Variants in NEK7 observed in about 807,000 individuals in gnomAD.
NEK7 encodes serine/threonine-protein kinase Nek7.
A neutral mutation model predicts 44.6 loss-of-function variants in NEK7; 18 were observed. The observed-to-expected ratio is 0.40, with a 90% CI of 0.28 to 0.60. NEK7 has a LOEUF of 0.60. NEK7 is among the 20% of genes least tolerant of loss of function. The probability of loss-of-function intolerance (pLI) is 0.38; values close to 1 mark genes in which losing one functional copy is unlikely to be tolerated. For missense variants in NEK7, 256 were observed against 366.5 expected, an observed-to-expected ratio of 0.70 and a Z score of 2.46; for synonymous variants, 130 against 121.1, an observed-to-expected ratio of 1.07 and a Z score of -0.48.
intron 9 of NEK7, among the ~76,000 whole-genome samples, chr1:198,310,226 G>A (rs980033412): frequency 6.6e-6 from 1 of 152,046 alleles, no homozygotes; most frequent in Non-Finnish European, 1.5e-5. Context: ...GTGTTTTTTG[G>A]CTGCATAAAT....
At chr1:198,230,287 C>T (rs1378812283) in intron 1 of NEK7, among the ~76,000 whole-genome samples, 4 of 152,116 alleles carry the variant, frequency 2.6e-5, no homozygotes, top group South Asian at 4.1e-4. Context: ...ATCCTTCATC[C>T]TCCTCCCGAC....
chr1:198,274,172 T>TTTTTTTTTTTTTTTGAGACGGAGTCTC (rs1653941868), intron 5 of NEK7, among the ~76,000 whole-genome samples: 1 of 143,818 alleles, frequency 7.0e-6, no homozygotes, highest in Non-Finnish European at 1.5e-5. Flanking sequence ...AGTTCTCTTA[T>TTTTTTTTTTTTTTTGAGACGGAGTCTC]GACTTCATTA....
chr1:198,211,796 A>G (rs1404030466), intron 1 of NEK7, among the ~76,000 whole-genome samples: 2 of 152,162 alleles, frequency 1.3e-5, no homozygotes, highest in African/African-American at 4.8e-5. Context: ...GTAAAGGTTC[A>G]TGCTGTGAAC....
chr1:198,163,523 A>T (rs74551237), intron 1 of NEK7, among the ~76,000 whole-genome samples: 29 of 150,534 alleles, frequency 1.9e-4, no homozygotes, highest in Non-Finnish European at 3.3e-4. Context: ...TAAAAAAAAT[A>T]AAAAAAAAAT....
At chr1:198,214,866 G>A (rs1665869610) in intron 1 of NEK7, among the ~76,000 whole-genome samples, 1 of 152,042 alleles carries the variant, frequency 6.6e-6, no homozygotes. Flanking sequence ...ATATCATCAA[G>A]GCATATAGTC....
chr1:198,205,179 T>G (rs1053897651), intron 1 of NEK7, among the ~76,000 whole-genome samples: 1 of 152,218 alleles, frequency 6.6e-6, no homozygotes, highest in Admixed American at 6.5e-5. Context: ...GTTCTTTGCC[T>G]GAGTCTAAAA....
chr1:198,178,146 A>G (rs988387362), intron 1 of NEK7, among the ~76,000 whole-genome samples: 3 of 152,140 alleles, frequency 2.0e-5, no homozygotes, highest in Admixed American at 1.3e-4. Context: ...AGGAAAATAC[A>G]TCAGAAAACA....
intron 4 of NEK7, 84 bp downstream of exon 4, chr1:198,262,721 G>A (rs1653518818): frequency 1.3e-6 from 1 of 762,554 alleles, no homozygotes; most frequent in South Asian, 2.0e-5. Context: ...ACACAAAAAG[G>A]TTTTTAAGAC....
chr1:198,183,834 C>T (rs966561016), intron 1 of NEK7, among the ~76,000 whole-genome samples: 3 of 152,148 alleles, frequency 2.0e-5, no homozygotes, highest in Admixed American at 6.5e-5. Flanking sequence ...TGACTCGAGA[C>T]GTTTTTAATG....
At chr1:198,295,543 A>C (rs1250959480) in intron 8 of NEK7, among the ~76,000 whole-genome samples, 1 of 152,020 alleles carries the variant, frequency 6.6e-6, no homozygotes. Flanking sequence ...AAAACAGGAC[A>C]GTTGACATTT....
At chr1:198,229,911 G>A (rs1339483380) in intron 1 of NEK7, among the ~76,000 whole-genome samples, 1 of 151,942 alleles carries the variant, frequency 6.6e-6, no homozygotes, top group East Asian at 1.9e-4. Context: ...ACATTGTCAC[G>A]TATCAGTAGC....
intron 3 of NEK7, among the ~76,000 whole-genome samples, chr1:198,257,624 A>G (rs1653313662): frequency 6.6e-6 from 1 of 152,200 alleles, no homozygotes; most frequent in Admixed American, 6.5e-5. Flanking sequence ...TTGTTATTTG[A>G]ATAAATGAAA....
intron 1 of NEK7, among the ~76,000 whole-genome samples, chr1:198,187,732 A>G (rs1664962349): frequency 6.6e-6 from 1 of 152,190 alleles, no homozygotes. Flanking sequence ...TATCTAAAAG[A>G]ACCATACAAG....
At chr1:198,244,455 T>G (rs1049257207) in intron 2 of NEK7, among the ~76,000 whole-genome samples, 1 of 152,140 alleles carries the variant, frequency 6.6e-6, no homozygotes, top group Non-Finnish European at 1.5e-5. Context: ...AAGTTATTGT[T>G]TAAGGAGTCT....
intron 1 of NEK7, among the ~76,000 whole-genome samples, chr1:198,168,614 C>T (rs984038222): frequency 2.0e-5 from 3 of 152,166 alleles, no homozygotes; most frequent in East Asian, 3.8e-4. Context: ...GAGGATAGAC[C>T]GTGTGATCTT....
chr1:198,274,617 A>G lies in NEK7; in HGVS notation c.373-3344A>G, dbSNP rs145718708. On this transcript the variant is annotated intron_variant, in intron 5 of 9. Transcript: ENST00000367385. ...AGGTTATGCTGGGTAATATCACTGA[A>G]GCTCTTCCTGAGATTTCTTGAGGAA... Among the ~76,000 whole-genome samples, 39 of 151,870 alleles carry G rather than the reference A, an allele frequency of 2.6e-4. No individual in the cohort carries two copies. The East Asian group carries it at 7.2e-3, about 28-fold the overall frequency.
chr1:198,166,325 A>G (rs1664266485), intron 1 of NEK7, among the ~76,000 whole-genome samples: 1 of 152,234 alleles, frequency 6.6e-6, no homozygotes. Flanking sequence ...AACCACTGAT[A>G]ATGTACCATT....
chr1:198,180,028 A>C (rs1241575040), intron 1 of NEK7, among the ~76,000 whole-genome samples: 1 of 152,154 alleles, frequency 6.6e-6, no homozygotes, highest in East Asian at 1.9e-4. Flanking sequence ...TGTTTTGAGA[A>C]GATATCTGTG....
At chr1:198,185,103 C>A (rs553520219) in intron 1 of NEK7, among the ~76,000 whole-genome samples, 9 of 151,254 alleles carry the variant, frequency 6.0e-5, no homozygotes. Flanking sequence ...TACAAGCAAG[C>A]ATCGAATATA....
Sources: gnomAD v4.1 joint callset for allele counts (sites outside exome capture counted in the v4.1 genomes callset) on GRCh38, gnomAD v4.1.1 for gene constraint, MANE v1.5 for transcripts, NCBI Gene and HGNC (gene_info 2026-07-23, HGNC 2026-07-21) for gene names.